Variants in FLNB observed in about 807,000 individuals in gnomAD.
FLNB encodes the protein filamin-B.
FLNB carries 111 observed loss-of-function variants against 250.6 expected under a neutral mutation model. The ratio of observed to expected loss-of-function variants is 0.44; its 90% CI spans 0.38 to 0.52. The LOEUF (loss-of-function observed/expected upper bound fraction) is 0.52, where lower values mean the gene tolerates loss of function less well. FLNB is among the 20% of genes least tolerant of loss of function. The pLI, the probability that FLNB is intolerant of heterozygous loss-of-function variation, is 0.00. For missense variants in FLNB, 2,869 were observed against 3,447.8 expected (o/e 0.83, Z 4.20); for synonymous variants, 1,302 against 1,372.1 (o/e 0.95, Z 1.13).
intron 1 of FLNB, among the ~76,000 whole-genome samples, chr3:58,017,441 T>C (rs573868720): frequency 1.3e-5 from 2 of 152,114 alleles, no homozygotes; most frequent in South Asian, 4.2e-4. Context: ...TTAGTAGAGA[T>C]GAGGTTTCTC....
Position 58,097,921 on chromosome 3 carries a change from T to A in FLNB, c.1091T>A (p.Leu364Ter). The A allele has an allele frequency of 6.2e-7, 1 of 1,614,182 alleles. No homozygotes were observed. Among genetic ancestry groups the A allele is most frequent in the Non-Finnish European group, 8.5e-7 (1 of 1,180,024 alleles). Reference protein sequence around the residue: ...ASKVTAKGPGLEAVGNIANKP... With the variant: ...ASKVTAKGPG ...AAAGTCACTGCAAAAGGTCCAGGGT[T>A]GGAAGCTGTAGGGAACATCGCCAAT... is the stretch of plus-strand genomic sequence containing the variant. Residue 364 changes from leucine (L) to a stop codon, truncating the protein, a stop_gained, in exon 7 of 46, where the codon TTG (leucine) becomes TAG (stop). Transcript: ENST00000295956. LOFTEE classifies it high-confidence loss of function.
In FLNB at chr3:58,030,406, C is replaced by T. The variant is rs1387929097; in HGVS notation, c.292+21550C>T. Among the ~76,000 whole-genome samples the T allele has an allele frequency of 2.6e-5, 4 of 152,166 alleles. No homozygotes were observed. The East Asian group carries it at 5.8e-4, about 22-fold the overall frequency. On this transcript the variant is annotated intron_variant, in intron 1 of 45. Transcript: ENST00000295956. ...AGAACCCAAGTTTTTTGGGTCTCTG[C>T]TCTGTTGGTTTCTTTCATCCTAAAG... is the stretch of plus-strand genomic sequence containing the variant.
At chr3:58,118,643 C>T (rs915652492) in intron 18 of FLNB, among the ~76,000 whole-genome samples, 2 of 152,194 alleles carry the variant, frequency 1.3e-5, no homozygotes, top group African/African-American at 4.8e-5. Flanking sequence ...GTAGAAAATG[C>T]TCATTAAGTT....
intron 23 of FLNB, 40 bp downstream of exon 23, chr3:58,125,783 T>C: frequency 6.3e-7 from 1 of 1,599,142 alleles, no homozygotes; most frequent in African/African-American, 1.3e-5. Context: ...AGTCTCACTT[T>C]TGTGGCTAGA....
chr3:58,084,424 G>C (rs764303677), intron 4 of FLNB, among the ~76,000 whole-genome samples: 2 of 151,946 alleles, frequency 1.3e-5, no homozygotes, highest in South Asian at 4.2e-4. Context: ...AATGTGAGAC[G>C]GTTTCCTTTC....
intron 22 of FLNB, 83 bp downstream of exon 22, chr3:58,124,588 C>G: frequency 1.4e-6 from 2 of 1,438,996 alleles, no homozygotes; most frequent in Non-Finnish European, 1.9e-6. Context: ...CTGATGCCTG[C>G]CCCATGTGCT....
chr3:58,040,940 T>C (rs976324929), intron 1 of FLNB, among the ~76,000 whole-genome samples: 1 of 152,240 alleles, frequency 6.6e-6, no homozygotes, highest in African/African-American at 2.4e-5. Flanking sequence ...TTCTTAAAGT[T>C]TGATCATTAT....
chr3:58,025,665 A>G (rs1457073288), intron 1 of FLNB, among the ~76,000 whole-genome samples: 1 of 152,140 alleles, frequency 6.6e-6, no homozygotes, highest in African/African-American at 2.4e-5. Context: ...GGGGCCAGAC[A>G]TTGTGGCTCA....
intron 25 of FLNB, 123 bp from the exon 26 acceptor site, chr3:58,132,685 T>C (rs2097309456): frequency 1.6e-6 from 2 of 1,244,116 alleles, no homozygotes; most frequent in African/African-American, 1.5e-5. Flanking sequence ...GCTGGCCTTT[T>C]TGTTACTCAT....
intron 29 of FLNB, among the ~76,000 whole-genome samples, chr3:58,140,140 T>G (rs1402375250): frequency 6.6e-6 from 1 of 152,136 alleles, no homozygotes; most frequent in Non-Finnish European, 1.5e-5. Context: ...TTCATTGGCT[T>G]TGGTTGGGTA....
chr3:58,137,581 T>C (rs948908332), intron 28 of FLNB, among the ~76,000 whole-genome samples: 3 of 152,228 alleles, frequency 2.0e-5, no homozygotes, highest in Non-Finnish European at 2.9e-5. Context: ...TTGGCTCATA[T>C]CTACCAATGT....
At chr3:58,014,125 G>C (rs1348380202) in intron 1 of FLNB, among the ~76,000 whole-genome samples, 1 of 152,226 alleles carries the variant, frequency 6.6e-6, no homozygotes, top group Non-Finnish European at 1.5e-5. Flanking sequence ...GTGAATGCCT[G>C]TTAATTAAAT....
chr3:58,072,327 G>T (rs1422496511), intron 1 of FLNB, among the ~76,000 whole-genome samples: 2 of 152,124 alleles, frequency 1.3e-5, no homozygotes, highest in Non-Finnish European at 2.9e-5. Context: ...CCTGGTAGGC[G>T]TTGGTTTATT....
In FLNB at chr3:58,148,402, T is replaced by A. The variant is rs376252362; in HGVS notation, c.5887+38T>A. 393 of 1,601,078 alleles carry A rather than the reference T, an allele frequency of 2.5e-4. 4 individuals carry two copies. In the Middle Eastern group the frequency reaches 0.017, roughly 69 times the overall value. On this transcript the variant is annotated intron_variant, in intron 35 of 45. Coordinates refer to ENST00000295956, the MANE Select transcript of FLNB (RefSeq NM_001457.4). The stretch of plus-strand genomic sequence containing the variant: ...ACCCTTCCTGGCTGGAGCCAGGACA[T>A]CTTGGGTGGGAGATGGGGACTCTTG...
chr3:58,168,539 A>C lies in FLNB; in HGVS notation c.7298A>C (p.Glu2433Ala). Residue 2433 changes from glutamate (E) to alanine (A), a missense_variant, in exon 44 of 46, where the codon GAA (glutamate) becomes GCA (alanine). Physicochemically the swap from Glu to Ala is moderately radical, Grantham distance 107 (BLOSUM62 -1). Coordinates refer to ENST00000295956, the MANE Select transcript of FLNB (RefSeq NM_001457.4). The part of the protein sequence containing the change: ...GPSKVKMDCQ[E>A]TPEGYKVMYT... ...TCCAAGGTTAAAATGGATTGCCAGG[A>C]AACACCTGAAGGGTACAAAGTCATG... 1.2e-6 allele frequency: 2 copies of C among 1,614,204 alleles called. No homozygotes were observed. The highest frequency in any genetic ancestry group is 1.7e-6 in the Non-Finnish European group (2 of 1,180,008).
chr3:58,153,082 G>A (rs748247542), intron 38 of FLNB, among the ~76,000 whole-genome samples: 1 of 152,242 alleles, frequency 6.6e-6, no homozygotes, highest in Non-Finnish European at 1.5e-5. Context: ...GATGGCTCTT[G>A]TTTTCTACCC....
intron 4 of FLNB, among the ~76,000 whole-genome samples, chr3:58,083,235 C>G (rs1310326390): frequency 7.5e-6 from 1 of 132,756 alleles, no homozygotes; most frequent in Admixed American, 7.8e-5. Flanking sequence ...ATAATTTCCC[C>G]AAACTTTTTT....
chr3:58,170,303 G>T (rs2097380006), intron 45 of FLNB, among the ~76,000 whole-genome samples: 1 of 152,156 alleles, frequency 6.6e-6, no homozygotes, highest in South Asian at 2.1e-4. Context: ...TGAGGTATGT[G>T]CTGTTCTCAT....
chr3:58,020,820 C>T (rs1421535936), intron 1 of FLNB, among the ~76,000 whole-genome samples: 3 of 151,642 alleles, frequency 2.0e-5, no homozygotes, highest in South Asian at 2.1e-4. Context: ...GGATTTGTGG[C>T]AGGCACTATG....
Sources: gnomAD v4.1 joint callset for allele counts (sites outside exome capture counted in the v4.1 genomes callset) on GRCh38, gnomAD v4.1.1 for gene constraint, MANE v1.5 for transcripts, NCBI Gene and HGNC (gene_info 2026-07-23, HGNC 2026-07-21) for gene names.